Variants in LAMA2 observed in about 807,000 individuals in gnomAD.
LAMA2 encodes laminin subunit alpha-2.
LAMA2 carries 269 observed loss-of-function variants against 364.8 expected under a neutral mutation model. The ratio of observed to expected loss-of-function variants is 0.74; its 90% CI spans 0.67 to 0.82. The LOEUF (loss-of-function observed/expected upper bound fraction) is 0.82. LAMA2 is among the 40% of genes least tolerant of loss of function. LAMA2 has a pLI of 0.00. For synonymous variants in LAMA2, 1,379 were observed against 1,370.6 expected, an observed-to-expected ratio of 1.01 and a Z score of -0.14; for missense variants, 3,807 against 3,873.2, an observed-to-expected ratio of 0.98 and a Z score of 0.45.
At chr6:129,436,957 T>TTA (rs1781863897) in intron 41 of LAMA2, 1 of 152,126 alleles carries the variant, frequency 6.6e-6, no homozygotes, top group African/African-American at 2.4e-5. Flanking sequence ...TACAACTTGG[T>TTA]TATATATGTT....
Position 129,453,094 on chromosome 6 carries a change from C to A in LAMA2, c.6536C>A (p.Ala2179Asp). Residue 2179 changes from alanine to aspartate, a missense_variant, in exon 46 of 65, where the codon GCT becomes GAT. By Grantham distance (126) the Ala-to-Asp change is moderately radical. Around this residue, in one of 3 missense-constraint regions of LAMA2, gnomAD observed 3,333 missense variants for 3,345.7 expected, o/e 1.00. Coordinates refer to ENST00000421865, the MANE Select transcript of LAMA2 (RefSeq NM_000426.4). ...NIVVNVKTAVADNLLFYLGSA... is the reference protein window; with the variant it reads ...NIVVNVKTAVDDNLLFYLGSA... ...GTTGTCAACGTAAAGACAGCTGTTG[C>A]TGATAACCTCCTCTTTTATCTTGGA... 1 of 1,612,962 alleles carries A rather than the reference C, an allele frequency of 6.2e-7. No homozygotes were observed. The highest frequency in any genetic ancestry group is 8.5e-7 in the Non-Finnish European group (1 of 1,179,398).
At chr6:129,510,458 G>C (rs1786481435) in intron 62 of LAMA2, among the ~76,000 whole-genome samples, 1 of 152,086 alleles carries the variant, frequency 6.6e-6, no homozygotes, top group Admixed American at 6.5e-5. Context: ...TGCAATTAAT[G>C]TACTTTAAGA....
chr6:129,313,200 TAAAC>T, intron 23 of LAMA2, 103 bp downstream of exon 23: 1 of 710,550 alleles, frequency 1.4e-6, no homozygotes, highest in Non-Finnish European at 2.4e-6. Context: ...TTCATTAAGC[TAAAC>T]AAACAGATGG....
At chr6:129,252,445 T>A (rs1389305144) in intron 14 of LAMA2, 150 bp downstream of exon 14, 8 of 664,832 alleles carry the variant, frequency 1.2e-5, no homozygotes, top group Non-Finnish European at 1.9e-5. Flanking sequence ...CTGAAAGATT[T>A]TTCTCTTAAA....
At chr6:129,312,740 A>T (rs1198136242) in intron 22 of LAMA2, 121 bp from the exon 23 acceptor site, 1 of 755,484 alleles carries the variant, frequency 1.3e-6, no homozygotes. Context: ...AATAGTACAA[A>T]GCCTATAACA....
intron 3 of LAMA2, among the ~76,000 whole-genome samples, chr6:129,072,923 A>T (rs915637412): frequency 2.0e-5 from 3 of 152,084 alleles, no homozygotes; most frequent in Admixed American, 2.0e-4. Flanking sequence ...CTAATTTTAA[A>T]CACCTTTAAC....
At chr6:129,006,914 TCTC>T (rs1450074314) in intron 1 of LAMA2, among the ~76,000 whole-genome samples, 2 of 152,112 alleles carry the variant, frequency 1.3e-5, no homozygotes. Flanking sequence ...CTGACTCTCT[TCTC>T]CTAAACCTCA....
intron 17 of LAMA2, among the ~76,000 whole-genome samples, chr6:129,271,241 C>T (rs1426658035): frequency 1.3e-5 from 2 of 152,046 alleles, no homozygotes; most frequent in Non-Finnish European, 2.9e-5. Flanking sequence ...TCTATCCCTT[C>T]TTTTTAGAAA....
intron 45 of LAMA2, among the ~76,000 whole-genome samples, chr6:129,446,244 A>G (rs1219559620): frequency 6.6e-6 from 1 of 151,962 alleles, no homozygotes; most frequent in East Asian, 1.9e-4. Context: ...AAGAGCAAAG[A>G]GAAACAAACA....
chr6:129,309,778 A>G (rs1031970256), intron 22 of LAMA2, among the ~76,000 whole-genome samples: 4 of 152,224 alleles, frequency 2.6e-5, no homozygotes, highest in Admixed American at 1.3e-4. Context: ...ATCACATTTT[A>G]GATCTTTGGG....
chr6:129,043,737 C>G lies in LAMA2; in HGVS notation c.113-6181C>G, dbSNP rs73773649. Reference sequence around the variant, plus strand: ...TGAATAATAGCACATTGTAGAAACTCTGGGTTTTGTTATGTTCCTCTGAAG... The same window carrying G: ...TGAATAATAGCACATTGTAGAAACTGTGGGTTTTGTTATGTTCCTCTGAAG... On this transcript the variant is annotated intron_variant, in intron 1 of 64. Coordinates refer to ENST00000421865, the MANE Select transcript of LAMA2 (RefSeq NM_000426.4). Among the ~76,000 whole-genome samples, 704 of 152,146 alleles carry G rather than the reference C, an allele frequency of 4.6e-3. 4 individuals carry two copies. The highest frequency in any genetic ancestry group is 0.016 in the African/African-American group (671 of 41,504).
intron 12 of LAMA2, among the ~76,000 whole-genome samples, chr6:129,194,938 G>A (rs1456389260): frequency 1.3e-5 from 2 of 152,154 alleles, no homozygotes; most frequent in Non-Finnish European, 2.9e-5. Flanking sequence ...TTTCTAAATA[G>A]TTGAGGCTAA....
intron 1 of LAMA2, among the ~76,000 whole-genome samples, chr6:128,965,262 A>G (rs1781765446): frequency 6.6e-6 from 1 of 152,204 alleles, no homozygotes; most frequent in African/African-American, 2.4e-5. Flanking sequence ...AAAGCAGGCC[A>G]GTGATCTCTA....
chr6:129,486,505 G>T lies in LAMA2; in HGVS notation c.7781G>T (p.Arg2594Leu). 6.2e-7 allele frequency: 1 copy of T among 1,613,808 alleles called. No individual in the cohort carries two copies. Among genetic ancestry groups the T allele is most frequent in the Non-Finnish European group, 8.5e-7 (1 of 1,179,788 alleles). ...AYYAILLNRG[R>L]LEVHLSTGAR... ...TATGCAATACTCCTCAACAGGGGCCGTCTGGAAGTGCATCTCTCCACAGGG... is the reference window on the plus strand; with the variant it reads ...TATGCAATACTCCTCAACAGGGGCCTTCTGGAAGTGCATCTCTCCACAGGG... Residue 2594 changes from arginine to leucine, a missense_variant, in exon 56 of 65, where the codon CGT becomes CTT. By Grantham distance (102) the Arg-to-Leu change is moderately radical (BLOSUM62 -2). This residue lies in a region of LAMA2 where 3,333 missense variants were observed against 3,345.7 expected (regional missense o/e 1.00). Coordinates refer to ENST00000421865, the MANE Select transcript of LAMA2 (RefSeq NM_000426.4).
At chr6:128,895,992 G>C (rs1582621108) in intron 1 of LAMA2, among the ~76,000 whole-genome samples, 1 of 152,108 alleles carries the variant, frequency 6.6e-6, no homozygotes, top group South Asian at 2.1e-4. Context: ...TTTGTTGGGA[G>C]ATGTCCAGAG....
chr6:129,391,771 G>A, intron 36 of LAMA2, 118 bp downstream of exon 36: 1 of 797,962 alleles, frequency 1.3e-6, no homozygotes, highest in South Asian at 1.5e-5. Flanking sequence ...CCAACCTGGA[G>A]ATATTTGCTA....
At chr6:129,498,585 T>C (rs919467040) in intron 58 of LAMA2, among the ~76,000 whole-genome samples, 6 of 152,190 alleles carry the variant, frequency 3.9e-5, no homozygotes, top group African/African-American at 1.4e-4. Flanking sequence ...GTCAGTGCTA[T>C]AAAAAGTATC....
At chr6:129,259,938 G>A (rs1353848016) in intron 14 of LAMA2, among the ~76,000 whole-genome samples, 1 of 152,094 alleles carries the variant, frequency 6.6e-6, no homozygotes, top group Admixed American at 6.6e-5. Flanking sequence ...GGAAAAGCAA[G>A]TAAGATACCA....
intron 9 of LAMA2, among the ~76,000 whole-genome samples, chr6:129,172,834 C>T (rs1277879233): frequency 7.2e-5 from 11 of 152,152 alleles, no homozygotes; most frequent in Non-Finnish European, 1.3e-4. Flanking sequence ...ACTCCATGGG[C>T]GTAGGACCCT....
Sources: gnomAD v4.1 joint callset for allele counts (sites outside exome capture counted in the v4.1 genomes callset) on GRCh38, gnomAD v4.1.1 for gene constraint, gnomAD v4.1.1 regional missense constraint, MANE v1.5 for transcripts, NCBI Gene and HGNC (gene_info 2026-07-23, HGNC 2026-07-21) for gene names.